The following ACTR3C variants were observed in gnomAD, a reference collection of about 807,000 sequenced individuals.
ACTR3C encodes the protein actin related protein 3C.
ACTR3C carries 18 observed loss-of-function variants against 26.3 expected under a neutral mutation model. That is an observed-to-expected ratio of 0.68 (90% CI 0.47 to 1.01). ACTR3C has a LOEUF of 1.01. ACTR3C is among the 50% of genes least tolerant of loss of function. The pLI is 0.00. For synonymous variants in ACTR3C, 55 were observed against 94.5 expected (o/e 0.58, Z 2.42); for missense variants, 184 against 250.7 (o/e 0.73, Z 1.80).
At chr7:150,143,079 G>A in the ACTR3C span, among the ~76,000 whole-genome samples, 11 of 151,802 alleles carry the variant, frequency 7.2e-5, no homozygotes, top group East Asian at 1.9e-4. Flanking sequence ...TGATCCACCC[G>A]CCTAGGCCTC....
At chr7:149,971,298 T>G in the ACTR3C span, among the ~76,000 whole-genome samples, 1 of 152,212 alleles carries the variant, frequency 6.6e-6, no homozygotes. Context: ...GAATTCATTT[T>G]TGTGCACTGA....
At chr7:150,184,412 CCT>C in the ACTR3C span, among the ~76,000 whole-genome samples, 1 of 150,648 alleles carries the variant, frequency 6.6e-6, no homozygotes, top group African/African-American at 2.5e-5. Context: ...AGTTGGTTTT[CCT>C]CTGTTCCATG....
the ACTR3C span, among the ~76,000 whole-genome samples, chr7:149,888,169 G>A: frequency 6.6e-6 from 1 of 152,150 alleles, no homozygotes; most frequent in East Asian, 1.9e-4. Flanking sequence ...ATACAATACT[G>A]TTACATACAG....
At chr7:150,065,995 C>A in the ACTR3C span, among the ~76,000 whole-genome samples, 2 of 152,040 alleles carry the variant, frequency 1.3e-5, no homozygotes, top group African/African-American at 4.8e-5. Flanking sequence ...TCATCAAGAA[C>A]AACTTGATAA....
chr7:150,089,560 T>C, the ACTR3C span, among the ~76,000 whole-genome samples: 1 of 152,146 alleles, frequency 6.6e-6, no homozygotes, highest in Non-Finnish European at 1.5e-5. Context: ...CCAGGGCAGA[T>C]GATCAACCAG....
chr7:150,196,109 GA>G, the ACTR3C span, among the ~76,000 whole-genome samples: 1 of 152,122 alleles, frequency 6.6e-6, no homozygotes, highest in Non-Finnish European at 1.5e-5. Context: ...GAGTATTCTT[GA>G]ACTTCTCAGA....
chr7:150,080,382 C>T, the ACTR3C span, among the ~76,000 whole-genome samples: 1 of 151,182 alleles, frequency 6.6e-6, no homozygotes, highest in South Asian at 2.1e-4. Context: ...CACAGCAATT[C>T]CCCACAGAGA....
At chr7:150,254,119 C>A (rs1414038027) in intron 6 of ACTR3C, among the ~76,000 whole-genome samples, 4 of 152,186 alleles carry the variant, frequency 2.6e-5, no homozygotes, top group Admixed American at 1.3e-4. Flanking sequence ...TACCCACCTG[C>A]AAACTTGAGT....
chr7:150,241,394 C>T (rs965727546), downstream of ACTR3C, among the ~76,000 whole-genome samples: 1 of 152,116 alleles, frequency 6.6e-6, no homozygotes, highest in Non-Finnish European at 1.5e-5. Context: ...AACAGAGACA[C>T]GAGAGCTAGT....
At chr7:150,140,915 A>G in the ACTR3C span, among the ~76,000 whole-genome samples, 1 of 152,282 alleles carries the variant, frequency 6.6e-6, no homozygotes, top group Non-Finnish European at 1.5e-5. Flanking sequence ...GTGCTACTCC[A>G]GTGAACACAT....
chr7:150,126,330 T>C, the ACTR3C span, among the ~76,000 whole-genome samples: 1 of 152,234 alleles, frequency 6.6e-6, no homozygotes, highest in African/African-American at 2.4e-5. Context: ...TGATTCGGAA[T>C]CAGGAAAGGG....
the ACTR3C span, among the ~76,000 whole-genome samples, chr7:150,149,893 G>T: frequency 6.6e-6 from 1 of 152,164 alleles, no homozygotes; most frequent in African/African-American, 2.4e-5. Flanking sequence ...AATTCATGTG[G>T]ATTTTATATG....
At chr7:150,080,904 T>C in the ACTR3C span, among the ~76,000 whole-genome samples, 9 of 152,246 alleles carry the variant, frequency 5.9e-5, no homozygotes, top group African/African-American at 2.2e-4. Flanking sequence ...TTTTGGGTCA[T>C]GATTTGTAAG....
At chr7:150,005,711 GCTCT>G in the ACTR3C span, among the ~76,000 whole-genome samples, 1 of 152,092 alleles carries the variant, frequency 6.6e-6, no homozygotes, top group African/African-American at 2.4e-5. Flanking sequence ...ACCAGCTTCT[GCTCT>G]CTCTCTGTCC....
the ACTR3C span, among the ~76,000 whole-genome samples, chr7:149,912,498 A>T: frequency 9.9e-6 from 1 of 100,650 alleles, no homozygotes; most frequent in Admixed American, 1.0e-4. Context: ...ACATGAAGAT[A>T]TATTAATTTT....
At chr7:150,020,319 T>C in the ACTR3C span, among the ~76,000 whole-genome samples, 1 of 152,132 alleles carries the variant, frequency 6.6e-6, no homozygotes, top group African/African-American at 2.4e-5. Flanking sequence ...ATTGAAATTA[T>C]TTCCTGGAGG....
chr7:149,989,111 A>G, the ACTR3C span, among the ~76,000 whole-genome samples: 1 of 152,224 alleles, frequency 6.6e-6, no homozygotes, highest in Non-Finnish European at 1.5e-5. Context: ...GGCAGAGACC[A>G]AAAGAACCCT....
At chr7:150,128,938 A>G in the ACTR3C span, among the ~76,000 whole-genome samples, 3 of 151,202 alleles carry the variant, frequency 2.0e-5, no homozygotes, top group South Asian at 6.3e-4. Context: ...AGATTGAGAT[A>G]AGACCTGGTG....
At chr7:150,148,200 C>G in the ACTR3C span, among the ~76,000 whole-genome samples, 1 of 150,722 alleles carries the variant, frequency 6.6e-6, no homozygotes, top group African/African-American at 2.4e-5. Flanking sequence ...AAAAAAAGGC[C>G]AGGCGCGGTG....
Sources: allele counts gnomAD v4.1 joint callset (sites outside exome capture counted in the v4.1 genomes callset), GRCh38; gene constraint gnomAD v4.1.1; transcripts MANE v1.5; gene names NCBI Gene and HGNC (gene_info 2026-07-23, HGNC 2026-07-21).